MRPS21: variants seen among roughly 807,000 people sequenced by gnomAD.
MRPS21 encodes the protein small ribosomal subunit protein bS21m.
In MRPS21, 8 loss-of-function variants were observed where a neutral mutation model predicts 9.9. That is an observed-to-expected ratio of 0.81 (90% CI 0.47 to 1.45). The LOEUF (loss-of-function observed/expected upper bound fraction) is 1.45. MRPS21 is among the 40% of genes most tolerant of loss of function. MRPS21 has a pLI of 0.00. For synonymous variants in MRPS21, 40 were observed against 40.3 expected (o/e 0.99, Z 0.03); for missense variants, 101 against 118.9 (o/e 0.85, Z 0.70).
intron 2 of MRPS21, among the ~76,000 whole-genome samples, chr1:150,307,815 A>G (rs587649425): frequency 9.2e-5 from 14 of 152,246 alleles, no homozygotes; most frequent in East Asian, 1.9e-4. Flanking sequence ...CCTGGGCTCA[A>G]TCTGCTCACC....
intron 2 of MRPS21, among the ~76,000 whole-genome samples, chr1:150,296,853 A>C (rs2101903368): frequency 6.6e-6 from 1 of 152,338 alleles, no homozygotes; most frequent in African/African-American, 2.4e-5. Flanking sequence ...GCTTTAAAAA[A>C]AAAACCAGAA....
chr1:150,306,294 T>G (rs1654326899), intron 2 of MRPS21, among the ~76,000 whole-genome samples: 1 of 100,908 alleles, frequency 9.9e-6, no homozygotes. Flanking sequence ...TTGTTTTGTT[T>G]TTCCTTGAGA....
intron 2 of MRPS21, 41 bp from the exon 3 acceptor site, chr1:150,308,007 A>G: frequency 1.4e-6 from 2 of 1,473,274 alleles, no homozygotes; most frequent in Non-Finnish European, 1.8e-6. Context: ...AAGAATAATG[A>G]TGATCCCAAA....
rs896356252 is a variant in MRPS21, at chr1:150,308,821, G to C, written c.*593G>C. ...ACTGCACTCCAACCTGGGCGACAGAGTGAGACTCCATCTCAAAACAAAAAA... is the reference window on the plus strand; with the variant it reads ...ACTGCACTCCAACCTGGGCGACAGACTGAGACTCCATCTCAAAACAAAAAA... On this transcript the variant is annotated 3_prime_UTR_variant, in exon 3 of 3. Transcript: ENST00000614145. The C allele has an allele frequency of 3.9e-5, 6 of 154,370 alleles. No individual in the cohort carries two copies. The highest frequency in any genetic ancestry group is 1.4e-4 in the African/African-American group (6 of 41,480). The allele number at this position is 154,370 out of a possible 1,614,324, so 9.6% of individuals were successfully genotyped here. A position where few individuals can be genotyped will look rare whatever the true frequency, so the allele number is the denominator to read the frequency against.
chr1:150,308,198 G>T lies in MRPS21; in HGVS notation c.234G>T (p.Lys78Asn), dbSNP rs1560068178. The T allele has an allele frequency of 6.2e-7, 1 of 1,602,246 alleles. No homozygotes were observed. Among genetic ancestry groups the T allele is most frequent in the African/African-American group, 1.3e-5 (1 of 74,908 alleles). ...GCAAGATCAACTTCTTGATGCGAAA[G>T]AATCGGGCAGATCCGTGGCAGGGCT... ...MARKINFLMRKNRADPWQGC is the reference protein window; with the variant it reads ...MARKINFLMRNNRADPWQGC The change falls in exon 3 of 3, where the codon AAG becomes AAT. Residue 78 changes from lysine to asparagine, a missense_variant. Transcript: ENST00000614145.
At chr1:150,307,340 G>A (rs1442869577) in intron 2 of MRPS21, among the ~76,000 whole-genome samples, 1 of 117,278 alleles carries the variant, frequency 8.5e-6, no homozygotes, top group Admixed American at 1.0e-4. Flanking sequence ...GAGTCACTGT[G>A]CCCAGTCCTT....
rs3818978 is a variant in MRPS21, at chr1:150,293,918, T to A, written c.-33+20T>A. 0.41 allele frequency: 82,173 copies of A among 200,210 alleles called. 17,990 individuals are homozygous for A. The highest frequency in any genetic ancestry group is 0.71 in the East Asian group (6,027 of 8,444). The allele number at this position is 200,210 out of a possible 1,614,324, so 12.4% of individuals were successfully genotyped here. ...CGCGAGGTGAGGAGTTGTGCAGGGT[T>A]TGGGGAAAGGAAGGCTGGCTTGGCG... On this transcript the variant is annotated intron_variant, in intron 1 of 2. Transcript: ENST00000614145.
Position 150,308,125 on chromosome 1 carries a change from G to C in MRPS21, c.161G>C (p.Arg54Thr). The change falls in exon 3 of 3, where the codon AGG (arginine) becomes ACG (threonine). Residue 54 changes from arginine (R) to threonine (T), a missense_variant. Coordinates refer to ENST00000614145, the MANE Select transcript of MRPS21 (RefSeq NM_031901.6). ...GAGAAGCCATGCTGCCGGCGACAGA[G>C]GGAAAGCTATGAAAGGTGCCGGCGG... is the stretch of plus-strand genomic sequence containing the variant. ...YYEKPCCRRQRESYERCRRIY... is the reference protein window; with the variant it reads ...YYEKPCCRRQTESYERCRRIY... The C allele has an allele frequency of 6.2e-7, 1 of 1,609,236 alleles. No homozygotes were observed. The highest frequency in any genetic ancestry group is 8.5e-7 in the Non-Finnish European group (1 of 1,175,862).
At chr1:150,300,614 TTAAAA>T (rs1355436094) in intron 2 of MRPS21, among the ~76,000 whole-genome samples, 1 of 152,206 alleles carries the variant, frequency 6.6e-6, no homozygotes, top group Non-Finnish European at 1.5e-5. Flanking sequence ...CTTCCCTAAA[TTAAAA>T]TGTAAGGTGA....
rs1553858884 is a variant in MRPS21, at chr1:150,308,390, T to A, written c.*162T>A. 5.7e-5 allele frequency: 36 copies of A among 627,194 alleles called. No homozygotes were observed. The allele number at this position is 627,194 out of a possible 1,614,324, so 38.9% of individuals were successfully genotyped here. A position where few individuals can be genotyped will look rare whatever the true frequency, so the allele number is the denominator to read the frequency against. Reference sequence around the variant, plus strand: ...TAGAAACAATCCCATTAGTCAGCAGTGGACCCTGTCTTTTATTAAGTGAAA... The same window carrying A: ...TAGAAACAATCCCATTAGTCAGCAGAGGACCCTGTCTTTTATTAAGTGAAA... On this transcript the variant is annotated 3_prime_UTR_variant, in exon 3 of 3. Coordinates refer to ENST00000614145, the MANE Select transcript of MRPS21 (RefSeq NM_031901.6).
intron 2 of MRPS21, among the ~76,000 whole-genome samples, chr1:150,297,633 T>C (rs2101904142): frequency 6.6e-6 from 1 of 150,450 alleles, no homozygotes; most frequent in East Asian, 2.0e-4. Flanking sequence ...ATCGTGCCAC[T>C]GCATTCCAGT....
intron 2 of MRPS21, among the ~76,000 whole-genome samples, chr1:150,297,583 A>G (rs1653961442): frequency 6.6e-6 from 1 of 152,022 alleles, no homozygotes; most frequent in Non-Finnish European, 1.5e-5. Context: ...AGGCAGGAGA[A>G]TCACTTGAAC....
chr1:150,298,990 T>C (rs1367982284), intron 2 of MRPS21, among the ~76,000 whole-genome samples: 5 of 152,118 alleles, frequency 3.3e-5, no homozygotes, highest in Non-Finnish European at 7.4e-5. Context: ...CTAAGAATGG[T>C]GGATCACTTG....
At chr1:150,304,917 T>C in intron 2 of MRPS21, 1 of 308,090 alleles carries the variant, frequency 3.2e-6, no homozygotes, top group Non-Finnish European at 6.4e-6. Flanking sequence ...CTGGTGCTTG[T>C]AATTCCGGCT....
At chr1:150,306,249 C>G (rs907019030) in intron 2 of MRPS21, among the ~76,000 whole-genome samples, 2 of 152,184 alleles carry the variant, frequency 1.3e-5, no homozygotes, top group Non-Finnish European at 2.9e-5. Flanking sequence ...TTCTTGTTCT[C>G]AAGTTCAGGT....
intron 2 of MRPS21, among the ~76,000 whole-genome samples, chr1:150,298,410 C>CTGTTG (rs1653990918): frequency 6.6e-6 from 1 of 152,086 alleles, no homozygotes; most frequent in Non-Finnish European, 1.5e-5. Context: ...GTCTTCTGGC[C>CTGTTG]ATGGTTGTTG....
chr1:150,295,397 A>C (rs1653879557), intron 2 of MRPS21, among the ~76,000 whole-genome samples: 1 of 152,126 alleles, frequency 6.6e-6, no homozygotes, highest in Non-Finnish European at 1.5e-5. Context: ...CCACCACCGC[A>C]GTTAATTTTT....
intron 2 of MRPS21, chr1:150,305,040 A>G (rs1377352300): frequency 5.1e-6 from 2 of 395,194 alleles, no homozygotes; most frequent in Admixed American, 6.0e-5. Flanking sequence ...ACTCCGTCTC[A>G]AAAGAAAGAA....
chr1:150,304,957 T>G (rs11205359), intron 2 of MRPS21: 2 of 332,888 alleles, frequency 6.0e-6, no homozygotes, highest in African/African-American at 4.6e-5. Flanking sequence ...GAGAATCGCT[T>G]GAACCCAGAA....
Sources: gnomAD v4.1 joint callset for allele counts (sites outside exome capture counted in the v4.1 genomes callset) on GRCh38, gnomAD v4.1.1 for gene constraint, MANE v1.5 for transcripts, NCBI Gene and HGNC (gene_info 2026-07-23, HGNC 2026-07-21) for gene names.